JAK2: variants seen among roughly 807,000 people sequenced by gnomAD.
JAK2 encodes the protein tyrosine-protein kinase JAK2.
A neutral mutation model predicts 139.3 loss-of-function variants in JAK2; 86 were observed. That is an observed-to-expected ratio of 0.62 (90% CI 0.52 to 0.74). JAK2 has a LOEUF of 0.74. Ranked by LOEUF, JAK2 falls within the 30% of genes least tolerant of loss-of-function variation. The pLI is 0.00. For missense variants in JAK2, 1,421 were observed against 1,360.3 expected (o/e 1.04, Z -0.70); for synonymous variants, 490 against 437.7 (o/e 1.12, Z -1.49).
intron 21 of JAK2, 65 bp downstream of exon 21, chr9:5,090,635 C>T: frequency 6.6e-7 from 1 of 1,523,920 alleles, no homozygotes; most frequent in Non-Finnish European, 8.8e-7. Flanking sequence ...ATTAGGAAAT[C>T]ATCTAGACGT....
chr9:5,013,408 C>A (rs1821831349), intron 2 of JAK2, among the ~76,000 whole-genome samples: 1 of 152,150 alleles, frequency 6.6e-6, no homozygotes. Context: ...CAATAGAATG[C>A]AAAATCACAT....
At chr9:5,118,330 CTTTGTA>C (rs2130835085) in intron 22 of JAK2, among the ~76,000 whole-genome samples, 1 of 152,208 alleles carries the variant, frequency 6.6e-6, no homozygotes, top group South Asian at 2.1e-4. Context: ...ATATGTTACA[CTTTGTA>C]TTTGGATAAT....
chr9:5,068,168 C>T (rs183817714), intron 10 of JAK2, among the ~76,000 whole-genome samples: 1 of 79,664 alleles, frequency 1.3e-5, no homozygotes, highest in Non-Finnish European at 2.2e-5. Context: ...CAAAAAAAAA[C>T]AACAACAAAA....
chr9:5,012,441 A>G (rs1003502540), intron 2 of JAK2, among the ~76,000 whole-genome samples: 12 of 152,176 alleles, frequency 7.9e-5, no homozygotes, highest in Non-Finnish European at 1.6e-4. Flanking sequence ...CTCTCTCATT[A>G]TCAAAAATCT....
At chr9:5,104,994 G>A (rs1361729642) in intron 22 of JAK2, among the ~76,000 whole-genome samples, 2 of 152,150 alleles carry the variant, frequency 1.3e-5, no homozygotes, top group Non-Finnish European at 2.9e-5. Context: ...TTTGAAAACT[G>A]GCAAAAGACA....
chr9:5,068,146 G>A (rs1369787175), intron 10 of JAK2, among the ~76,000 whole-genome samples: 3 of 135,730 alleles, frequency 2.2e-5, no homozygotes, highest in African/African-American at 3.4e-5. Context: ...GCGACAGAGC[G>A]AGACACGGTC....
At chr9:5,036,352 T>C (rs1208243191) in intron 4 of JAK2, among the ~76,000 whole-genome samples, 6 of 152,214 alleles carry the variant, frequency 3.9e-5, no homozygotes, top group African/African-American at 1.4e-4. Flanking sequence ...CAGATGACTT[T>C]CTTCACAGAA....
chr9:5,043,475 T>C (rs564500208), intron 4 of JAK2, among the ~76,000 whole-genome samples: 1 of 152,316 alleles, frequency 6.6e-6, no homozygotes, highest in East Asian at 1.9e-4. Flanking sequence ...TTTGGACTAA[T>C]TTGGATGCAG....
chr9:5,038,721 T>C (rs918668507), intron 4 of JAK2, among the ~76,000 whole-genome samples: 2 of 152,074 alleles, frequency 1.3e-5, no homozygotes, highest in African/African-American at 4.8e-5. Flanking sequence ...AGGTTAGCGC[T>C]CTAAAGGTTT....
intron 22 of JAK2, chr9:5,097,396 C>T (rs939740550): frequency 6.6e-6 from 1 of 152,142 alleles, no homozygotes. Flanking sequence ...TATCCTTATT[C>T]TATCAGGCTT....
intron 22 of JAK2, chr9:5,098,604 A>G (rs1448830708): frequency 6.6e-6 from 1 of 152,178 alleles, no homozygotes; most frequent in Admixed American, 6.5e-5. Context: ...AAACAGATGA[A>G]GTTAATAATC....
At chr9:5,090,236 A>C (rs567867933) in intron 20 of JAK2, among the ~76,000 whole-genome samples, 33 of 152,340 alleles carry the variant, frequency 2.2e-4, no homozygotes, top group African/African-American at 6.0e-4. Flanking sequence ...AGAAAACTGA[A>C]ACGCAAATAG....
intron 10 of JAK2, among the ~76,000 whole-genome samples, chr9:5,068,375 A>G (rs1818713193): frequency 6.6e-6 from 1 of 152,184 alleles, no homozygotes; most frequent in African/African-American, 2.4e-5. Context: ...TGTAATATTA[A>G]AGATAATTAT....
intron 22 of JAK2, chr9:5,114,376 T>C: frequency 5.7e-6 from 3 of 527,002 alleles, no homozygotes; most frequent in South Asian, 5.1e-5. Flanking sequence ...ACGTTCACCA[T>C]CACGTCCACC....
rs187728716 is a variant in JAK2, at chr9:4,991,168, T to C, written c.-26+5146T>C. Among the ~76,000 whole-genome samples, 50 of 152,354 alleles carry C rather than the reference T, an allele frequency of 3.3e-4. 1 individual carries two copies. In the East Asian group the frequency reaches 7.5e-3, roughly 23 times the overall value. On this transcript the variant is annotated intron_variant, in intron 2 of 24. Transcript: ENST00000381652. ...ACTTATAAATCTGAGGGTTGAATGA[T>C]TGATGAAATTAGGGGTACTGGAAAG...
chr9:5,078,522 C>G (rs1819466218), intron 16 of JAK2, 78 bp downstream of exon 16: 1 of 1,048,900 alleles, frequency 9.5e-7, no homozygotes, highest in Non-Finnish European at 1.4e-6. Context: ...TGTTAATTTT[C>G]CTTGAATTCC....
intron 22 of JAK2, among the ~76,000 whole-genome samples, chr9:5,119,175 C>G (rs1823429677): frequency 6.6e-6 from 1 of 151,972 alleles, no homozygotes; most frequent in Non-Finnish European, 1.5e-5. Context: ...TTGGTAATGC[C>G]AGGCATCAAA....
At chr9:5,035,637 T>G (rs937031683) in intron 4 of JAK2, among the ~76,000 whole-genome samples, 1 of 152,200 alleles carries the variant, frequency 6.6e-6, no homozygotes, top group Non-Finnish European at 1.5e-5. Context: ...AAAAACCATA[T>G]GATTATCTCA....
chr9:5,022,332 G>A (rs150829797), intron 3 of JAK2, 119 bp downstream of exon 3: 41 of 625,198 alleles, frequency 6.6e-5, no homozygotes, highest in Middle Eastern at 4.3e-4. Context: ...TATGGCTGGC[G>A]TGTGTGTTTT....
Sources: gnomAD v4.1 joint callset for allele counts (sites outside exome capture counted in the v4.1 genomes callset) on GRCh38, gnomAD v4.1.1 for gene constraint, MANE v1.5 for transcripts, NCBI Gene and HGNC (gene_info 2026-07-23, HGNC 2026-07-21) for gene names.